ERBB4: variants seen among roughly 807,000 people sequenced by gnomAD.
ERBB4 encodes receptor tyrosine-protein kinase erbB-4.
ERBB4 carries 42 observed loss-of-function variants against 158.0 expected under a neutral mutation model. The ratio of observed to expected loss-of-function variants is 0.27; its 90% CI spans 0.21 to 0.34. The LOEUF (loss-of-function observed/expected upper bound fraction) is 0.34. Among genes scored for constraint, ERBB4 ranks in the 10% least tolerant of loss-of-function variants. The pLI is 1.00. For synonymous variants in ERBB4, 583 were observed against 558.7 expected, an observed-to-expected ratio of 1.04 and a Z score of -0.61; for missense variants, 1,333 against 1,624.1, an observed-to-expected ratio of 0.82 and a Z score of 3.08.
intron 1 of ERBB4, among the ~76,000 whole-genome samples, chr2:212,495,410 A>G (rs1251946395): frequency 6.6e-6 from 1 of 152,188 alleles, no homozygotes; most frequent in Non-Finnish European, 1.5e-5. Flanking sequence ...AAAGGAAAAA[A>G]ATAAATTGCT....
At chr2:212,045,268 T>G (rs2077233212) in intron 2 of ERBB4, among the ~76,000 whole-genome samples, 1 of 152,122 alleles carries the variant, frequency 6.6e-6, no homozygotes, top group Non-Finnish European at 1.5e-5. Flanking sequence ...GAGACCAGCC[T>G]GGCCAACATG....
At chr2:211,629,250 T>A (rs1382244554) in intron 17 of ERBB4, among the ~76,000 whole-genome samples, 4 of 151,976 alleles carry the variant, frequency 2.6e-5, no homozygotes, top group Non-Finnish European at 1.5e-5. Flanking sequence ...TATACACCAA[T>A]AACAGACAAA....
At position 211,383,389 on chromosome 2, in the gene ERBB4, G is replaced by A. The variant is rs756167724; in HGVS notation, c.*226C>T. The A allele has an allele frequency of 5.0e-5, 28 of 558,590 alleles. No individual in the cohort carries two copies. Among genetic ancestry groups the A allele is most frequent in the Non-Finnish European group, 8.0e-5 (25 of 311,386 alleles). The allele number at this position is 558,590 out of a possible 1,614,324, so 34.6% of individuals were successfully genotyped here. ...TGTTTCATTCTCCTGACCAACCCAT[G>A]CAGAGAAATGAAGAAACATTGTGGT... On this transcript the variant is annotated 3_prime_UTR_variant, in exon 28 of 28. Coordinates refer to ENST00000342788, the MANE Select transcript of ERBB4 (RefSeq NM_005235.3).
At chr2:211,528,749 T>A (rs2066417123) in intron 20 of ERBB4, among the ~76,000 whole-genome samples, 1 of 151,932 alleles carries the variant, frequency 6.6e-6, no homozygotes, top group Non-Finnish European at 1.5e-5. Flanking sequence ...AATATGCTAC[T>A]GAATGACCAG....
At chr2:212,292,229 A>G (rs2106183224) in intron 1 of ERBB4, among the ~76,000 whole-genome samples, 1 of 152,114 alleles carries the variant, frequency 6.6e-6, no homozygotes, top group East Asian at 1.9e-4. Flanking sequence ...ATGTTTTTAA[A>G]GTATAATTTT....
intron 4 of ERBB4, among the ~76,000 whole-genome samples, chr2:211,756,648 G>A (rs975200736): frequency 6.6e-6 from 1 of 152,172 alleles, no homozygotes; most frequent in South Asian, 2.1e-4. Context: ...CACTTTAGTA[G>A]CTTGTGCAAG....
chr2:211,915,391 G>A (rs939049555), intron 3 of ERBB4, among the ~76,000 whole-genome samples: 16 of 150,636 alleles, frequency 1.1e-4, no homozygotes, highest in African/African-American at 3.9e-4. Flanking sequence ...TTTTAAATTT[G>A]TTTTTAAATA....
At chr2:211,748,591 C>T (rs558554445) in intron 5 of ERBB4, among the ~76,000 whole-genome samples, 17 of 152,350 alleles carry the variant, frequency 1.1e-4, no homozygotes, top group Admixed American at 1.0e-3. Context: ...CTCAACAGTA[C>T]TGGCTGAACC....
chr2:211,561,665 G>T (rs1275331093), intron 20 of ERBB4: 1 of 511,534 alleles, frequency 2.0e-6, no homozygotes, highest in Non-Finnish European at 3.5e-6. Flanking sequence ...CAAGCTATTT[G>T]TTTTGGCACC....
At chr2:211,746,637 T>G (rs987423744) in intron 5 of ERBB4, among the ~76,000 whole-genome samples, 2 of 152,042 alleles carry the variant, frequency 1.3e-5, no homozygotes, top group Admixed American at 1.3e-4. Flanking sequence ...AAGACCAGCC[T>G]GACCAACATG....
At chr2:211,428,647 T>C (rs1018785512) in intron 21 of ERBB4, among the ~76,000 whole-genome samples, 164 bp from the exon 22 acceptor site, 1 of 151,968 alleles carries the variant, frequency 6.6e-6, no homozygotes, top group Admixed American at 6.6e-5. Flanking sequence ...TGACTATAAC[T>C]ATAAATATAT....
chr2:211,661,846 C>G (rs535389918), intron 15 of ERBB4, among the ~76,000 whole-genome samples: 58 of 150,096 alleles, frequency 3.9e-4, no homozygotes, highest in African/African-American at 1.2e-3. Context: ...GAGACCATCC[C>G]GGCTAAAACG....
intron 16 of ERBB4, among the ~76,000 whole-genome samples, chr2:211,639,254 T>C (rs2070480111): frequency 6.6e-6 from 1 of 152,198 alleles, no homozygotes; most frequent in Non-Finnish European, 1.5e-5. Context: ...TTGTAAATAT[T>C]TAATTACAGA....
At chr2:212,324,978 AC>A (rs1450824598) in intron 1 of ERBB4, among the ~76,000 whole-genome samples, 2 of 146,438 alleles carry the variant, frequency 1.4e-5, no homozygotes, top group Admixed American at 1.4e-4. Flanking sequence ...ACCCATATAA[AC>A]CACTGCCCAG....
At chr2:211,573,472 C>A (rs895827453) in intron 19 of ERBB4, among the ~76,000 whole-genome samples, 1 of 152,022 alleles carries the variant, frequency 6.6e-6, no homozygotes, top group African/African-American at 2.4e-5. Flanking sequence ...AGATCGAGAC[C>A]ATCCTGGCTA....
Position 212,538,683 on chromosome 2 carries a change from C to T in ERBB4, c.-153G>A. The T allele has an allele frequency of 1.9e-6, 1 of 539,600 alleles. No homozygotes were observed. Among genetic ancestry groups the T allele is most frequent in the South Asian group, 3.4e-5 (1 of 29,060 alleles). The allele number at this position is 539,600 out of a possible 1,614,324, so 33.4% of individuals were successfully genotyped here. ...GCGGTGTGGCGACTCCCAGGGCGGGCGACCGAGTCCGCGCCCGCGGGTCCA... is the reference window on the plus strand; with the variant it reads ...GCGGTGTGGCGACTCCCAGGGCGGGTGACCGAGTCCGCGCCCGCGGGTCCA... On this transcript the variant is annotated 5_prime_UTR_variant, in exon 1 of 28. Transcript: ENST00000342788.
intron 4 of ERBB4, among the ~76,000 whole-genome samples, chr2:211,754,726 G>C (rs567636382): frequency 6.8e-6 from 1 of 147,508 alleles, no homozygotes; most frequent in African/African-American, 2.5e-5. Flanking sequence ...TTGAGACAGA[G>C]TTTTGCTCTT....
intron 3 of ERBB4, among the ~76,000 whole-genome samples, chr2:211,886,017 A>T (rs553680334): frequency 6.6e-6 from 1 of 152,198 alleles, no homozygotes; most frequent in Non-Finnish European, 1.5e-5. Context: ...TACCAATTCA[A>T]ATTATATAAA....
At chr2:212,310,799 T>C (rs1051864839) in intron 1 of ERBB4, among the ~76,000 whole-genome samples, 5 of 150,632 alleles carry the variant, frequency 3.3e-5, no homozygotes, top group Non-Finnish European at 7.4e-5. Context: ...ATCCAGTTCA[T>C]ACAGCACCAG....
Sources: allele counts gnomAD v4.1 joint callset (sites outside exome capture counted in the v4.1 genomes callset), GRCh38; gene constraint gnomAD v4.1.1; transcripts MANE v1.5; gene names NCBI Gene and HGNC (gene_info 2026-07-23, HGNC 2026-07-21).